HEMK1: variants seen among roughly 807,000 people sequenced by gnomAD.
HEMK1 encodes the protein HemK methyltransferase 1, mitochondrial release factors N(5)-glutamine.
Under a neutral mutation model 47.9 loss-of-function variants are expected in HEMK1, and 36 were observed. That is an observed-to-expected ratio of 0.75 (90% CI 0.58 to 0.99). The LOEUF (loss-of-function observed/expected upper bound fraction) is 0.99, where lower values mean the gene tolerates loss of function less well. HEMK1 is among the 50% of genes least tolerant of loss of function. The probability of loss-of-function intolerance (pLI) is 0.00; values close to 1 mark genes in which losing one functional copy is unlikely to be tolerated. For missense variants in HEMK1, 383 were observed against 434.5 expected, an observed-to-expected ratio of 0.88 and a Z score of 1.05; for synonymous variants, 153 against 165.4, an observed-to-expected ratio of 0.93 and a Z score of 0.57.
intron 6 of HEMK1, 91 bp from the exon 7 acceptor site, chr3:50,577,735 A>C: frequency 2.1e-6 from 3 of 1,452,602 alleles, no homozygotes; most frequent in Non-Finnish European, 1.9e-6. Flanking sequence ...GTATCTTGCC[A>C]GTCCAAGAAG....
rs2031925592 is a variant in HEMK1 at position 50,595,422 on chromosome 3, C to T, written c.*15005C>T. 1 of 152,194 alleles carries T rather than the reference C, an allele frequency of 6.6e-6. No individual in the cohort carries two copies. The highest frequency in any genetic ancestry group is 1.5e-5 in the Non-Finnish European group (1 of 68,030). 9.4% of individuals were successfully genotyped at this position (152,194 alleles called of 1,614,324 possible). On this transcript the variant is annotated 3_prime_UTR_variant, in exon 11 of 11. Coordinates refer to ENST00000232854, the MANE Select transcript of HEMK1 (RefSeq NM_016173.5). ...ATGCCTGCATATGCATTGGGTTGCA[C>T]TACGGTGGAGAAACTGCATGCTGAA... is the stretch of plus-strand genomic sequence containing the variant.
At chr3:50,577,431 G>C in intron 5 of HEMK1, 78 bp from the exon 6 acceptor site, 1 of 1,411,214 alleles carries the variant, frequency 7.1e-7, no homozygotes, top group Non-Finnish European at 1.0e-6. Flanking sequence ...GGGGTTGGAG[G>C]AGGGTCCCCC....
At position 50,596,115 on chromosome 3, in the gene HEMK1, G is replaced by C. The variant is rs1164407081; in HGVS notation, c.*15698G>C. 3.9e-5 allele frequency: 6 copies of C among 152,152 alleles called. No homozygotes were observed. Among genetic ancestry groups the C allele is most frequent in the Non-Finnish European group, 7.4e-5 (5 of 68,024 alleles). 9.4% of individuals were successfully genotyped at this position (152,152 alleles called of 1,614,324 possible). A position where few individuals can be genotyped will look rare whatever the true frequency, so the allele number is the denominator to read the frequency against. ...TAATCTGCCTGTGGCCTGTTCCTTA[G>C]AGTGTATCACAAACATACAAGTGAT... On this transcript the variant is annotated 3_prime_UTR_variant, in exon 11 of 11. Transcript: ENST00000232854.
At position 50,577,079 on chromosome 3, in the gene HEMK1, G is replaced by T; in HGVS notation, c.442G>T (p.Val148Leu). 1 of 1,613,996 alleles carries T rather than the reference G, an allele frequency of 6.2e-7. No individual in the cohort carries two copies. The highest frequency in any genetic ancestry group is 8.5e-7 in the Non-Finnish European group (1 of 1,179,978). The change falls in exon 5 of 11, where the codon GTG (valine) becomes TTG (leucine). Residue 148 changes from valine (V) to leucine (L), a missense_variant. Physicochemically the swap from Val to Leu is conservative, Grantham distance 32. Coordinates refer to ENST00000232854, the MANE Select transcript of HEMK1 (RefSeq NM_016173.5). Reference sequence around the variant, plus strand: ...ACTGGTTGAGTGGGTGCTGGAAGAGGTGGCCCAGAGGTCCCATGCTGTGGG... The same window carrying T: ...ACTGGTTGAGTGGGTGCTGGAAGAGTTGGCCCAGAGGTCCCATGCTGTGGG... ...EELVEWVLEE[V>L]AQRSHAVGSP...
At chr3:50,571,911 T>C in intron 3 of HEMK1, 110 bp downstream of exon 3, 1 of 1,337,706 alleles carries the variant, frequency 7.5e-7, no homozygotes, top group Non-Finnish European at 1.1e-6. Context: ...ACTAGGGAGG[T>C]GTTGGGGTGC....
chr3:50,572,735 G>T (rs949790961), intron 4 of HEMK1, among the ~76,000 whole-genome samples: 1 of 152,364 alleles, frequency 6.6e-6, no homozygotes, highest in Middle Eastern at 3.4e-3. Context: ...GACTGGTCTG[G>T]TAATCACCTG....
Position 50,571,249 on chromosome 3 carries a change from A to G in HEMK1, c.145A>G (p.Thr49Ala), listed in dbSNP as rs1303956999. ...TGCCATAGAACTGGTCAGCCACTGG[A>G]CTGGGGTCTTTGAGAAGAGGGGTAT... ...SSAIELVSHW[T>A]GVFEKRGIPE... is the part of the protein sequence containing the mutation. Residue 49 changes from threonine to alanine, a missense_variant, in exon 2 of 11, where the codon ACT (threonine) becomes GCT (alanine). Coordinates refer to ENST00000232854, the MANE Select transcript of HEMK1 (RefSeq NM_016173.5). The G allele has an allele frequency of 1.9e-6, 3 of 1,613,490 alleles. No individual in the cohort carries two copies. The African/African-American group carries it at 4.0e-5, about 22-fold the overall frequency.
intron 4 of HEMK1, 97 bp downstream of exon 4, chr3:50,572,305 A>C: frequency 1.5e-6 from 2 of 1,347,214 alleles, no homozygotes; most frequent in Non-Finnish European, 2.1e-6. Flanking sequence ...CTGGGGCCCC[A>C]TGACTTCAGG....
Position 50,588,114 on chromosome 3 carries a change from T to C in HEMK1, c.*7697T>C, listed in dbSNP as rs1443247873. On this transcript the variant is annotated 3_prime_UTR_variant, in exon 11 of 11. Transcript: ENST00000232854. ...GCGTCTGGAGATGCAAATGTGACCATGTGGGGACACAGTCCAAAGGCAACC... is the reference window on the plus strand; with the variant it reads ...GCGTCTGGAGATGCAAATGTGACCACGTGGGGACACAGTCCAAAGGCAACC... 2 of 152,232 alleles carry C rather than the reference T, an allele frequency of 1.3e-5. No individual in the cohort carries two copies. Among genetic ancestry groups the C allele is most frequent in the Admixed American group, 6.5e-5 (1 of 15,272 alleles). The allele number at this position is 152,232 out of a possible 1,614,324, so 9.4% of individuals were successfully genotyped here. A position where few individuals can be genotyped will look rare whatever the true frequency, so the allele number is the denominator to read the frequency against.
chr3:50,579,165 C>T (rs1014024713), intron 8 of HEMK1, among the ~76,000 whole-genome samples: 35 of 152,208 alleles, frequency 2.3e-4, no homozygotes, highest in Non-Finnish European at 7.3e-5. Flanking sequence ...CTGTTTCCTG[C>T]CTCTAGAAAA....
chr3:50,573,057 A>T (rs1701192579), intron 4 of HEMK1, among the ~76,000 whole-genome samples: 1 of 152,086 alleles, frequency 6.6e-6, no homozygotes, highest in South Asian at 2.1e-4. Flanking sequence ...CCCTTCTTTC[A>T]CTTTCTCAGC....
In HEMK1 at chr3:50,580,676, A is replaced by C; in HGVS notation, c.*259A>C. ...CAGTAAAGTATTGAGAGACTAACAA[A>C]TGGTGACCTAATGTTTTGTCCATGA... On this transcript the variant is annotated 3_prime_UTR_variant, in exon 11 of 11. Transcript: ENST00000232854. 5 of 545,572 alleles carry C rather than the reference A, an allele frequency of 9.2e-6. No homozygotes were observed. The highest frequency in any genetic ancestry group is 3.4e-5 in the Admixed American group (1 of 29,844). 33.8% of individuals were successfully genotyped at this position (545,572 alleles called of 1,614,324 possible).
rs2031835325 is a variant in HEMK1 at position 50,593,741 on chromosome 3, T to C, written c.*13324T>C. 9.0e-6 allele frequency: 1 copy of C among 110,774 alleles called. No homozygotes were observed. Among genetic ancestry groups the C allele is most frequent in the Admixed American group, 9.2e-5 (1 of 10,868 alleles). 6.9% of individuals were successfully genotyped at this position (110,774 alleles called of 1,614,324 possible). Reference sequence around the variant, plus strand: ...GACAATGACAAATTTGTCTTTTCCTTTCTTTCTTTTTTTTTTTTTTGAGAC... The same window carrying C: ...GACAATGACAAATTTGTCTTTTCCTCTCTTTCTTTTTTTTTTTTTTGAGAC... On this transcript the variant is annotated 3_prime_UTR_variant, in exon 11 of 11. Coordinates refer to ENST00000232854, the MANE Select transcript of HEMK1 (RefSeq NM_016173.5).
chr3:50,577,437 C>T lies in HEMK1; in HGVS notation c.550-72C>T, dbSNP rs1307632110. The stretch of plus-strand genomic sequence containing the variant: ...TTCTGGTGGGGGGTTGGAGGAGGGT[C>T]CCCCAGGCCCAGTATCTTCCAGCAT... On this transcript the variant is annotated intron_variant, in intron 5 of 10. Coordinates refer to ENST00000232854, the MANE Select transcript of HEMK1 (RefSeq NM_016173.5). 1.1e-5 allele frequency: 16 copies of T among 1,448,648 alleles called. No homozygotes were observed. The South Asian group carries it at 1.8e-4, about 17-fold the overall frequency. The allele number at this position is 1,448,648 out of a possible 1,614,324, so 89.7% of individuals were successfully genotyped here.
rs150712279 is a variant in HEMK1 at position 50,571,002 on chromosome 3, C to T, written c.-103C>T. On this transcript the variant is annotated 5_prime_UTR_variant, in exon 2 of 11. Transcript: ENST00000232854. ...AGAGCTTGTGACCTCTCCATCTCCA[C>T]CCAGCTGGGTCCAGGGGCCACTCTC... is the stretch of plus-strand genomic sequence containing the variant. 2.7e-4 allele frequency: 227 copies of T among 842,882 alleles called. No homozygotes were observed. The African/African-American group carries it at 3.8e-3, about 14-fold the overall frequency. 52.2% of individuals were successfully genotyped at this position (842,882 alleles called of 1,614,324 possible).
intron 1 of HEMK1, 110 bp downstream of exon 1, chr3:50,569,684 G>A (rs959546832): frequency 6.6e-6 from 1 of 152,372 alleles, no homozygotes; most frequent in African/African-American, 2.4e-5. Context: ...TTGGAGAGAG[G>A]GGGCCTCATC....
Position 50,585,772 on chromosome 3 carries a change from G to A in HEMK1, c.*5355G>A, listed in dbSNP as rs1006345751. On this transcript the variant is annotated 3_prime_UTR_variant, in exon 11 of 11. Transcript: ENST00000232854. ...GTTTATACTGGAAGGGGTGGATCAT[G>A]GCAAGACTTATATTCAATCCCTGAT... 6.6e-6 allele frequency: 1 copy of A among 152,224 alleles called. No homozygotes were observed. The highest frequency in any genetic ancestry group is 2.4e-5 in the African/African-American group (1 of 41,450). The allele number at this position is 152,224 out of a possible 1,614,324, so 9.4% of individuals were successfully genotyped here. A position where few individuals can be genotyped will look rare whatever the true frequency, so the allele number is the denominator to read the frequency against.
intron 4 of HEMK1, among the ~76,000 whole-genome samples, chr3:50,574,076 G>C (rs1701308569): frequency 6.6e-6 from 1 of 152,234 alleles, no homozygotes. Context: ...CCTTGGGCCA[G>C]CCTCTTGATG....
intron 10 of HEMK1, 52 bp from the exon 11 acceptor site, chr3:50,580,329 G>A (rs371693799): frequency 6.3e-5 from 101 of 1,612,562 alleles, no homozygotes; most frequent in Non-Finnish European, 8.4e-5. Context: ...CCCACTTCCT[G>A]TTCATTCCCT....
Sources: gnomAD v4.1 joint callset for allele counts (sites outside exome capture counted in the v4.1 genomes callset) on GRCh38, gnomAD v4.1.1 for gene constraint, MANE v1.5 for transcripts, NCBI Gene and HGNC (gene_info 2026-07-23, HGNC 2026-07-21) for gene names.